Variants in DENND4A observed in about 807,000 individuals in gnomAD.
The protein encoded by DENND4A is DENN domain containing 4A.
DENND4A carries 70 observed loss-of-function variants against 199.3 expected under a neutral mutation model. The ratio of observed to expected loss-of-function variants is 0.35; its 90% confidence interval spans 0.29 to 0.43. The LOEUF is 0.43. Ranked by LOEUF, DENND4A falls within the 20% of genes least tolerant of loss-of-function variation. The probability of loss-of-function intolerance (pLI) is 1.00; values close to 1 mark genes in which losing one functional copy is unlikely to be tolerated. For synonymous variants in DENND4A, 686 were observed against 766.9 expected (o/e 0.89, Z 1.74); for missense variants, 1,723 against 2,255.8 (o/e 0.76, Z 4.78).
At chr15:65,760,848 C>T (rs1450770802) in intron 2 of DENND4A, among the ~76,000 whole-genome samples, 1 of 152,026 alleles carries the variant, frequency 6.6e-6, no homozygotes, top group Non-Finnish European at 1.5e-5. Context: ...AAGATCAACG[C>T]CACTGCACTC....
intron 4 of DENND4A, among the ~76,000 whole-genome samples, chr15:65,745,722 CTATAT>C (rs2076369666): frequency 6.6e-6 from 1 of 152,086 alleles, no homozygotes. Context: ...AAAAAAAGAA[CTATAT>C]GACCATTTGG....
In DENND4A at chr15:65,670,043, A is replaced by G; in HGVS notation, c.4610T>C (p.Ile1537Thr). ...AGGTCGTCTTAAATCTCTTATTTCT[A>G]TATTCAGAAAGGGTAAGAAGATATT... The part of the protein sequence containing the change: ...CGNIFLPFLN[I>T]EIRDLRRPGR... The change falls in exon 26 of 33, where the codon ATA becomes ACA. Residue 1537 changes from isoleucine to threonine, a missense_variant. By Grantham distance (89) the Ile-to-Thr change is moderately conservative. Around this residue, in one of 6 missense-constraint regions of DENND4A, gnomAD observed 141 missense variants for 170.7 expected, o/e 0.83. Coordinates refer to ENST00000443035, the MANE Select transcript of DENND4A (RefSeq NM_001320835.1). 6.3e-7 allele frequency: 1 copy of G among 1,594,150 alleles called. No homozygotes were observed.
intron 29 of DENND4A, among the ~76,000 whole-genome samples, chr15:65,667,236 A>C (rs1319256026): frequency 3.9e-5 from 6 of 152,356 alleles, no homozygotes. Flanking sequence ...AGGCTGAGGC[A>C]GGAGAATTGC....
chr15:65,768,915 A>G (rs955887658), intron 1 of DENND4A, among the ~76,000 whole-genome samples: 9 of 151,668 alleles, frequency 5.9e-5, no homozygotes, highest in Admixed American at 2.0e-4. Flanking sequence ...AATTGCTTCA[A>G]CCCTGGAGGC....
chr15:65,686,212 T>G (rs2076774148), intron 23 of DENND4A, among the ~76,000 whole-genome samples: 1 of 152,230 alleles, frequency 6.6e-6, no homozygotes, highest in South Asian at 2.1e-4. Context: ...AGTAATGTTC[T>G]GTAACTCTTT....
At chr15:65,755,777 A>T (rs1246795753) in intron 3 of DENND4A, among the ~76,000 whole-genome samples, 1 of 152,178 alleles carries the variant, frequency 6.6e-6, no homozygotes, top group Non-Finnish European at 1.5e-5. Context: ...TAAAAAGAAA[A>T]AAATCCATCT....
intron 11 of DENND4A, among the ~76,000 whole-genome samples, chr15:65,725,447 C>T (rs909662935): frequency 9.2e-5 from 14 of 151,962 alleles, no homozygotes; most frequent in African/African-American, 3.1e-4. Context: ...GAGGCCGAGG[C>T]GGGCAGATCA....
chr15:65,781,909 T>G (rs1162118898), intron 1 of DENND4A, among the ~76,000 whole-genome samples: 2 of 152,200 alleles, frequency 1.3e-5, no homozygotes, highest in African/African-American at 4.8e-5. Context: ...GGGGATGGCA[T>G]AGTGGAAGTA....
At chr15:65,665,282 T>C in intron 30 of DENND4A, 63 bp downstream of exon 30, 3 of 1,292,380 alleles carry the variant, frequency 2.3e-6, no homozygotes, top group Non-Finnish European at 3.3e-6. Flanking sequence ...TGGTTTATGC[T>C]ATTTAAAGCT....
At chr15:65,695,473 G>A (rs1428910310) in intron 22 of DENND4A, among the ~76,000 whole-genome samples, 1 of 152,150 alleles carries the variant, frequency 6.6e-6, no homozygotes, top group Non-Finnish European at 1.5e-5. Flanking sequence ...TTGCAGGCTA[G>A]TATAATAATA....
chr15:65,771,326 C>A (rs910295751), intron 1 of DENND4A: 2 of 1,587,318 alleles, frequency 1.3e-6, no homozygotes, highest in African/African-American at 1.3e-5. Flanking sequence ...GCAGTTATTT[C>A]GAATATTAGT....
chr15:65,720,950 TATATATATA>T (rs2075609721), intron 12 of DENND4A, among the ~76,000 whole-genome samples: 2 of 30,350 alleles, frequency 6.6e-5, no homozygotes, highest in South Asian at 1.9e-3. Flanking sequence ...TCATTGATTA[TATATATATA>T]TATATATATA....
chr15:65,671,554 T>A (rs1596391818), intron 25 of DENND4A, among the ~76,000 whole-genome samples: 1 of 152,238 alleles, frequency 6.6e-6, no homozygotes, highest in Admixed American at 6.5e-5. Flanking sequence ...CATGCCTGGG[T>A]AATTTTTGTA....
At chr15:65,671,589 CATAT>C (rs1360085705) in intron 25 of DENND4A, among the ~76,000 whole-genome samples, 199 bp downstream of exon 25, 1 of 152,144 alleles carries the variant, frequency 6.6e-6, no homozygotes, top group African/African-American at 2.4e-5. Context: ...GTGGTTTCAC[CATAT>C]TGGCCAGGCT....
chr15:65,771,874 T>C (rs1044777391), intron 1 of DENND4A: 2 of 1,611,812 alleles, frequency 1.2e-6, no homozygotes. Flanking sequence ...TTTAAAAGCA[T>C]CTGTTGCTCC....
intron 2 of DENND4A, among the ~76,000 whole-genome samples, chr15:65,760,214 T>C (rs1473447694): frequency 6.6e-6 from 1 of 152,178 alleles, no homozygotes; most frequent in Non-Finnish European, 1.5e-5. Context: ...AACTAAAGCA[T>C]GGCCAGGCGT....
chr15:65,695,784 A>T (rs2077124414), intron 22 of DENND4A, among the ~76,000 whole-genome samples: 1 of 152,112 alleles, frequency 6.6e-6, no homozygotes, highest in Non-Finnish European at 1.5e-5. Flanking sequence ...TCTACTTCTA[A>T]TCTGACTTTT....
intron 1 of DENND4A, chr15:65,771,248 C>T (rs961839772): frequency 8.6e-5 from 137 of 1,592,848 alleles, no homozygotes; most frequent in Non-Finnish European, 1.1e-4. Context: ...TGACTTCCTT[C>T]GGAGTCGATC....
At chr15:65,760,717 C>T (rs1012074504) in intron 2 of DENND4A, among the ~76,000 whole-genome samples, 3 of 152,098 alleles carry the variant, frequency 2.0e-5, no homozygotes, top group South Asian at 2.1e-4. Context: ...GGTGAAACCT[C>T]GTTTCTACCA....
Sources: gnomAD v4.1 joint callset for allele counts (sites outside exome capture counted in the v4.1 genomes callset) on GRCh38, gnomAD v4.1.1 for gene constraint, gnomAD v4.1.1 regional missense constraint, MANE v1.5 for transcripts, NCBI Gene and HGNC (gene_info 2026-07-23, HGNC 2026-07-21) for gene names.